Variants in BTBD9 observed in about 807,000 individuals in gnomAD.
The protein encoded by BTBD9 is BTB/POZ domain-containing protein 9.
Under a neutral mutation model 64.3 loss-of-function variants are expected in BTBD9, and 49 were observed. The observed-to-expected ratio is 0.76, with a 90% CI of 0.61 to 0.97. BTBD9 has a LOEUF of 0.97. BTBD9 is among the 50% of genes least tolerant of loss of function. The pLI is 0.00. For missense variants in BTBD9, 598 were observed against 762.1 expected (o/e 0.78, Z 2.53); for synonymous variants, 260 against 274.7 (o/e 0.95, Z 0.53).
chr6:38,510,279 G>A (rs1439111256), intron 6 of BTBD9, among the ~76,000 whole-genome samples: 1 of 152,196 alleles, frequency 6.6e-6, no homozygotes, highest in Non-Finnish European at 1.5e-5. Flanking sequence ...AGCACAGCAT[G>A]TAACTGAACT....
chr6:38,363,966 G>T lies in BTBD9; in HGVS notation c.1155-18873C>A, dbSNP rs118041810. ...CTTCTCCTGTCTTAGGTCTGCTGCA[G>T]TATGGCTGTCACAGAGAATGAGGCC... On this transcript the variant is annotated intron_variant, in intron 6 of 10. Transcript: ENST00000481247. 3.0e-4 allele frequency among the ~76,000 whole-genome samples: 45 copies of T among 152,332 alleles called. No individual in the cohort carries two copies. In the East Asian group the frequency reaches 8.5e-3, roughly 29 times the overall value.
chr6:38,556,634 T>C (rs1414159625), intron 6 of BTBD9, among the ~76,000 whole-genome samples: 1 of 150,274 alleles, frequency 6.7e-6, no homozygotes, highest in African/African-American at 2.4e-5. Context: ...AAATAAAACA[T>C]TTTTTTTTAA....
chr6:38,529,078 G>T (rs1773656033), intron 6 of BTBD9, among the ~76,000 whole-genome samples: 1 of 152,054 alleles, frequency 6.6e-6, no homozygotes, highest in Non-Finnish European at 1.5e-5. Context: ...AGAGACTCAG[G>T]ACTGGCAGCA....
At chr6:38,613,343 C>T (rs985337669) in intron 1 of BTBD9, among the ~76,000 whole-genome samples, 2 of 152,164 alleles carry the variant, frequency 1.3e-5, no homozygotes, top group East Asian at 1.9e-4. Flanking sequence ...AATCTCAGGC[C>T]GGGCATGGTG....
At chr6:38,438,015 A>G (rs1236459809) in intron 6 of BTBD9, among the ~76,000 whole-genome samples, 1 of 152,072 alleles carries the variant, frequency 6.6e-6, no homozygotes, top group East Asian at 1.9e-4. Flanking sequence ...ATTTAAACAA[A>G]GTCTACTGGT....
rs1773566124 is a variant in BTBD9 at position 38,527,562 on chromosome 6, C to G, written c.1154+50038G>C. The stretch of plus-strand genomic sequence containing the variant: ...TCTCTCCTGCAATCTTGTGAAGGTG[C>G]CTGCTTCCCCTTCTGTCATGACTGT... On this transcript the variant is annotated intron_variant, in intron 6 of 10. Transcript: ENST00000481247. 2.6e-5 allele frequency among the ~76,000 whole-genome samples: 4 copies of G among 152,080 alleles called. No homozygotes were observed. In the South Asian group the frequency reaches 8.3e-4, roughly 32 times the overall value.
intron 6 of BTBD9, among the ~76,000 whole-genome samples, chr6:38,495,462 C>A (rs1275886564): frequency 6.6e-6 from 1 of 152,192 alleles, no homozygotes; most frequent in African/African-American, 2.4e-5. Context: ...CAATAAAACC[C>A]ACTCAAAATT....
chr6:38,566,691 TTGTG>T (rs1775533733), intron 6 of BTBD9, among the ~76,000 whole-genome samples: 1 of 152,216 alleles, frequency 6.6e-6, no homozygotes, highest in Non-Finnish European at 1.5e-5. Context: ...GTCTATTGTT[TTGTG>T]TGTAAGAGCT....
intron 7 of BTBD9, among the ~76,000 whole-genome samples, chr6:38,291,871 G>T (rs954643191): frequency 6.6e-6 from 1 of 152,098 alleles, no homozygotes; most frequent in African/African-American, 2.4e-5. Context: ...TAAGCTTTTT[G>T]ATGTGCTGCT....
At chr6:38,367,061 G>A (rs899293682) in intron 6 of BTBD9, among the ~76,000 whole-genome samples, 17 of 152,106 alleles carry the variant, frequency 1.1e-4, no homozygotes, top group African/African-American at 3.9e-4. Flanking sequence ...GAAAACCCTC[G>A]CCCAAAAATG....
Position 38,170,861 on chromosome 6 carries a change from C to T in BTBD9, c.*4124G>A, listed in dbSNP as rs1766725685. 1.3e-5 allele frequency: 2 copies of T among 152,284 alleles called. No individual in the cohort carries two copies. 9.4% of individuals were successfully genotyped at this position (152,284 alleles called of 1,614,324 possible). On this transcript the variant is annotated 3_prime_UTR_variant, in exon 11 of 11. Coordinates refer to ENST00000481247, the MANE Select transcript of BTBD9 (RefSeq NM_001099272.2). The stretch of plus-strand genomic sequence containing the variant: ...GCCCACCTCTGCCACGGCATCGCTG[C>T]AGACCTGCCCTGCCCGGGCCGTGCC...
At chr6:38,222,412 C>T (rs924228069) in intron 9 of BTBD9, among the ~76,000 whole-genome samples, 1 of 151,882 alleles carries the variant, frequency 6.6e-6, no homozygotes, top group Non-Finnish European at 1.5e-5. Flanking sequence ...AGGTGCCCGC[C>T]ACCATGCCCA....
At chr6:38,574,943 G>A (rs1234583822) in intron 6 of BTBD9, among the ~76,000 whole-genome samples, 1 of 152,144 alleles carries the variant, frequency 6.6e-6, no homozygotes, top group African/African-American at 2.4e-5. Flanking sequence ...TTTATATGCA[G>A]TTTAGCCTAA....
At chr6:38,239,446 A>G (rs1763914911) in intron 9 of BTBD9, among the ~76,000 whole-genome samples, 1 of 151,502 alleles carries the variant, frequency 6.6e-6, no homozygotes. Context: ...CTCAAAAAAA[A>G]AAAAAAAAAA....
chr6:38,518,204 G>A (rs1174992620), intron 6 of BTBD9, among the ~76,000 whole-genome samples: 3 of 152,092 alleles, frequency 2.0e-5, no homozygotes, highest in East Asian at 3.9e-4. Context: ...ACAAGATCAG[G>A]CATTTTCATT....
intron 6 of BTBD9, among the ~76,000 whole-genome samples, chr6:38,558,519 C>T (rs534874613): frequency 4.6e-5 from 7 of 152,190 alleles, no homozygotes; most frequent in African/African-American, 1.7e-4. Context: ...TAGTATGATG[C>T]TGGCTATGAG....
intron 6 of BTBD9, among the ~76,000 whole-genome samples, chr6:38,470,537 C>T (rs1770604470): frequency 6.6e-6 from 1 of 152,178 alleles, no homozygotes; most frequent in South Asian, 2.1e-4. Context: ...AAAAAAGGAC[C>T]TTTGTGGAAA....
intron 8 of BTBD9, among the ~76,000 whole-genome samples, chr6:38,269,269 A>G (rs957350980): frequency 1.3e-5 from 2 of 152,238 alleles, no homozygotes; most frequent in African/African-American, 4.8e-5. Flanking sequence ...CTTATAAACA[A>G]AAGATAATTA....
intron 6 of BTBD9, among the ~76,000 whole-genome samples, chr6:38,396,292 C>T (rs1766668819): frequency 6.6e-6 from 1 of 152,170 alleles, no homozygotes; most frequent in Non-Finnish European, 1.5e-5. Flanking sequence ...AAAACCAAAA[C>T]TAAAAAGCTT....
Sources: gnomAD v4.1 joint callset for allele counts (sites outside exome capture counted in the v4.1 genomes callset) on GRCh38, gnomAD v4.1.1 for gene constraint, MANE v1.5 for transcripts, NCBI Gene and HGNC (gene_info 2026-07-23, HGNC 2026-07-21) for gene names.